The following CSMD1 variants were observed in gnomAD, a reference collection of about 807,000 sequenced individuals.
The protein encoded by CSMD1 is CUB and Sushi multiple domains 1, also known as CUB and sushi domain-containing protein 1.
In CSMD1, 213 loss-of-function variants were observed where a neutral mutation model predicts 417.5. The observed-to-expected ratio is 0.51, with a 90% CI of 0.46 to 0.57. The LOEUF (loss-of-function observed/expected upper bound fraction) is 0.57. Among genes scored for constraint, CSMD1 ranks in the 20% least tolerant of loss-of-function variants. CSMD1 has a pLI of 0.00. For missense variants in CSMD1, 6,923 were observed against 4,529.7 expected (o/e 1.53, Z -15.17); for synonymous variants, 2,862 against 1,736.8 (o/e 1.65, Z -16.11).
intron 5 of CSMD1, among the ~76,000 whole-genome samples, chr8:3,936,969 AAAG>A (rs1332690661): frequency 6.6e-6 from 1 of 152,188 alleles, no homozygotes; most frequent in Non-Finnish European, 1.5e-5. Flanking sequence ...CAGGAGTTTA[AAAG>A]AAGTTGATTT....
chr8:4,141,915 T>G (rs894143187), intron 3 of CSMD1, among the ~76,000 whole-genome samples: 1 of 151,030 alleles, frequency 6.6e-6, no homozygotes, highest in African/African-American at 2.5e-5. Context: ...CTTCTTAGAG[T>G]GTGATATTTG....
At chr8:3,037,015 T>C (rs1228976905) in intron 50 of CSMD1, among the ~76,000 whole-genome samples, 1 of 152,182 alleles carries the variant, frequency 6.6e-6, no homozygotes, top group African/African-American at 2.4e-5. Context: ...CACTGTATCA[T>C]TCTTATGCAT....
intron 3 of CSMD1, among the ~76,000 whole-genome samples, chr8:4,411,528 T>G (rs1383421812): frequency 6.6e-6 from 1 of 152,228 alleles, no homozygotes; most frequent in Admixed American, 6.5e-5. Flanking sequence ...ATCAGACATT[T>G]CTTAACTCTA....
At chr8:3,328,154 C>T (rs1806656130) in intron 23 of CSMD1, among the ~76,000 whole-genome samples, 1 of 152,204 alleles carries the variant, frequency 6.6e-6, no homozygotes, top group Non-Finnish European at 1.5e-5. Flanking sequence ...CACTTACTTT[C>T]CCTAAACCTG....
intron 42 of CSMD1, among the ~76,000 whole-genome samples, chr8:3,115,202 C>A (rs75464617): frequency 7.4e-6 from 1 of 135,258 alleles, no homozygotes; most frequent in Admixed American, 7.4e-5. Flanking sequence ...AATCCCCCCC[C>A]CCCCTTTTTT....
chr8:3,849,241 CG>C (rs1563142538), intron 5 of CSMD1, among the ~76,000 whole-genome samples: 14 of 152,132 alleles, frequency 9.2e-5, no homozygotes, highest in African/African-American at 3.4e-4. Flanking sequence ...AGGAATAAAA[CG>C]AAACAAAACC....
chr8:3,280,931 A>C (rs10087917), intron 26 of CSMD1, among the ~76,000 whole-genome samples: 1 of 151,982 alleles, frequency 6.6e-6, no homozygotes, highest in Admixed American at 6.6e-5. Flanking sequence ...AGTGATGGCC[A>C]GGTTTCAACA....
chr8:2,935,407 T>G lies in CSMD1; in HGVS notation c.*3178A>C, dbSNP rs1267171972. The G allele has an allele frequency of 1.3e-5, 2 of 152,190 alleles. No individual in the cohort carries two copies. The highest frequency in any genetic ancestry group is 1.3e-4 in the Admixed American group (2 of 15,278). The allele number at this position is 152,190 out of a possible 1,614,324, so 9.4% of individuals were successfully genotyped here. A position where few individuals can be genotyped will look rare whatever the true frequency, so the allele number is the denominator to read the frequency against. ...AACTCTGATTTGCTTTAAAGATTGG[T>G]GGCATTGCACAGGCTATATTACACC... is the stretch of plus-strand genomic sequence containing the variant. On this transcript the variant is annotated 3_prime_UTR_variant, in exon 70 of 70. Transcript: ENST00000635120.
intron 2 of CSMD1, among the ~76,000 whole-genome samples, chr8:4,448,644 A>T (rs1242184903): frequency 6.6e-6 from 1 of 152,188 alleles, no homozygotes; most frequent in African/African-American, 2.4e-5. Context: ...TAATTTATTC[A>T]CCAACATATG....
At position 2,955,011 on chromosome 8, in the gene CSMD1, C is replaced by T. The variant is rs909045212; in HGVS notation, c.9994+578G>A. Among the ~76,000 whole-genome samples the T allele has an allele frequency of 3.3e-5, 5 of 152,204 alleles. No homozygotes were observed. In the East Asian group the frequency reaches 7.7e-4, roughly 23 times the overall value. On this transcript the variant is annotated intron_variant, in intron 64 of 69. Transcript: ENST00000635120. ...GGGGAGAACCTGTAAGTGTAGCTAT[C>T]GTCAAATCTGACCCAGGCTGATGAC... is the stretch of plus-strand genomic sequence containing the variant.
At chr8:3,386,878 G>A (rs541132631) in intron 18 of CSMD1, among the ~76,000 whole-genome samples, 3 of 152,236 alleles carry the variant, frequency 2.0e-5, no homozygotes, top group East Asian at 3.9e-4. Context: ...TTACCTAACT[G>A]TTATTATAAC....
intron 12 of CSMD1, among the ~76,000 whole-genome samples, chr8:3,446,206 T>A (rs546297271): frequency 6.6e-6 from 1 of 152,104 alleles, no homozygotes; most frequent in South Asian, 2.1e-4. Flanking sequence ...AAATCGTGAA[T>A]GCACTTTCTG....
chr8:3,038,724 A>G (rs1245377602), intron 50 of CSMD1, among the ~76,000 whole-genome samples: 2 of 152,196 alleles, frequency 1.3e-5, no homozygotes, highest in African/African-American at 4.8e-5. Flanking sequence ...TTCTTTCCTA[A>G]TTGCCCTAAT....
intron 23 of CSMD1, among the ~76,000 whole-genome samples, chr8:3,325,776 A>C (rs1218511498): frequency 6.6e-6 from 1 of 152,208 alleles, no homozygotes. Flanking sequence ...GTGAGCCGAG[A>C]CTGTACCACT....
At chr8:2,957,634 A>G (rs1803109940) in intron 63 of CSMD1, 62 bp downstream of exon 63, 7 of 1,057,402 alleles carry the variant, frequency 6.6e-6, no homozygotes, top group Non-Finnish European at 1.0e-5. Context: ...AGTGGTAAAC[A>G]CGTCTCAGAC....
At chr8:4,703,750 C>T (rs186543981) in intron 1 of CSMD1, among the ~76,000 whole-genome samples, 25 of 152,158 alleles carry the variant, frequency 1.6e-4, no homozygotes, top group African/African-American at 4.3e-4. Flanking sequence ...TTACTAAAAT[C>T]CAGAGTACAG....
chr8:4,058,487 C>G (rs112249791), intron 3 of CSMD1, among the ~76,000 whole-genome samples: 5,848 of 152,222 alleles, frequency 0.038, 354 homozygotes, highest in African/African-American at 0.12. Context: ...CAAACAGGGA[C>G]AATTTGCCTT....
intron 5 of CSMD1, among the ~76,000 whole-genome samples, chr8:3,839,475 T>TA (rs1299126226): frequency 4.4e-5 from 5 of 114,570 alleles, no homozygotes; most frequent in East Asian, 2.5e-4. Context: ...TATTATATAA[T>TA]TATATTATAT....
chr8:4,089,079 T>A (rs1199589283), intron 3 of CSMD1, among the ~76,000 whole-genome samples: 3 of 152,210 alleles, frequency 2.0e-5, no homozygotes, highest in Non-Finnish European at 4.4e-5. Context: ...TTCTGACAAA[T>A]AGTACCATGT....
Sources: allele counts gnomAD v4.1 joint callset (sites outside exome capture counted in the v4.1 genomes callset), GRCh38; gene constraint gnomAD v4.1.1; transcripts MANE v1.5; gene names NCBI Gene and HGNC (gene_info 2026-07-23, HGNC 2026-07-21).